Variants in USP42 observed in about 807,000 individuals in gnomAD.
USP42 encodes the protein ubiquitin carboxyl-terminal hydrolase 42.
USP42 carries 23 observed loss-of-function variants against 113.0 expected under a neutral mutation model. The observed-to-expected ratio is 0.20, with a 90% CI of 0.15 to 0.29. USP42 has a LOEUF of 0.29. Ranked by LOEUF, USP42 falls within the 10% of genes least tolerant of loss-of-function variation. USP42 has a pLI of 1.00. For synonymous variants in USP42, 933 were observed against 699.0 expected, an observed-to-expected ratio of 1.33 and a Z score of -5.28; for missense variants, 2,174 against 1,779.8, an observed-to-expected ratio of 1.22 and a Z score of -3.99.
rs2128531567 is a variant in USP42, at chr7:6,160,581, C to T, written c.*63C>T. ...TTCAACGCGTTCAACAGAAGCCATC[C>T]CCAGCCCAGCTTAAATTATAAAGAT... On this transcript the variant is annotated 3_prime_UTR_variant, in exon 18 of 18. Transcript: ENST00000306177. 6.5e-6 allele frequency: 1 copy of T among 152,796 alleles called. No individual in the cohort carries two copies. Among genetic ancestry groups the T allele is most frequent in the East Asian group, 1.9e-4 (1 of 5,184 alleles). The allele number at this position is 152,796 out of a possible 1,614,324, so 9.5% of individuals were successfully genotyped here.
intron 3 of USP42, among the ~76,000 whole-genome samples, 167 bp from the exon 4 acceptor site, chr7:6,135,674 A>AAAAAT (rs1781098509): frequency 6.8e-6 from 1 of 147,198 alleles, no homozygotes; most frequent in South Asian, 2.1e-4. Flanking sequence ...AAAAAAAAAA[A>AAAAAT]AAAGAACAAA....
intron 3 of USP42, among the ~76,000 whole-genome samples, chr7:6,131,341 G>A (rs1432563715): frequency 1.3e-5 from 2 of 152,044 alleles, no homozygotes; most frequent in African/African-American, 2.4e-5. Flanking sequence ...CGGGTATGGT[G>A]GTGCATGCCT....
chr7:6,132,765 G>A (rs768651723), intron 3 of USP42, among the ~76,000 whole-genome samples: 27 of 151,260 alleles, frequency 1.8e-4, no homozygotes, highest in Admixed American at 1.6e-3. Flanking sequence ...TCCGCCTCCC[G>A]GGTTCACGCC....
In USP42 at chr7:6,153,948, C is replaced by G. The variant is rs554217282; in HGVS notation, c.2394C>G (p.Pro798=). 317 of 1,597,506 alleles carry G rather than the reference C, an allele frequency of 2.0e-4. 2 individuals are homozygous for G. The South Asian group carries it at 2.5e-3, about 13-fold the overall frequency. ...CCTGGGAGGCCATGGCCGTCGCCCC[C>G]GAGGAGCCTCCGCCCAGCGCCGGCG... is the stretch of plus-strand genomic sequence containing the variant. ...EGAWEAMAVA[P]EEPPPSAGED... Residue 798 remains proline (P), a synonymous_variant, in exon 15 of 18, where the codon CCC becomes CCG. Transcript: ENST00000306177.
At chr7:6,082,628 T>TTTC in the USP42 span, among the ~76,000 whole-genome samples, 1 of 139,870 alleles carries the variant, frequency 7.1e-6, no homozygotes, top group Non-Finnish European at 1.5e-5. Context: ...TTTTTTTTTT[T>TTTC]GAGACACTGT....
Position 6,158,692 on chromosome 7 carries a change from A to G in USP42, c.3944-758A>G, listed in dbSNP as rs941932983. Among the ~76,000 whole-genome samples the G allele has an allele frequency of 6.6e-6, 1 of 152,148 alleles. No individual in the cohort carries two copies. The highest frequency in any genetic ancestry group is 6.5e-5 in the Admixed American group (1 of 15,278). ...TGCGGGCCTTGTAGACGTTCTGGAC[A>G]TTTCAGAATTGGTTTTGCGTTCCCA... On this transcript the variant is annotated intron_variant, in intron 16 of 17. Transcript: ENST00000306177. The surrounding 1 kb of genome is among the most constrained non-coding windows in gnomAD (Gnocchi z 4.2).
At position 6,154,794 on chromosome 7, in the gene USP42, C is replaced by T. The variant is rs1782331219; in HGVS notation, c.3240C>T (p.Gly1080=). ...GGGACTGGAAGCCCTTCCACGGCGG[C>T]CGCGAGCACGAGCGGGCCGGGCTGC... ...AARDWKPFHG[G]REHERAGLHE... is the part of the protein sequence containing the mutation. Residue 1080 remains glycine, a synonymous_variant, in exon 15 of 18, where the codon GGC becomes GGT. Coordinates refer to ENST00000306177, the MANE Select transcript of USP42 (RefSeq NM_032172.3). 2 of 1,547,822 alleles carry T rather than the reference C, an allele frequency of 1.3e-6. No individual in the cohort carries two copies. The highest frequency in any genetic ancestry group is 1.7e-6 in the Non-Finnish European group (2 of 1,145,848).
rs575240808 is a variant in USP42, at chr7:6,104,973, C to T, written c.-69C>T. ...CATTGTCCCCCGCCGGGCGGCTGGG[C>T]TGTGTGCGGCGGCGGCGGCGGCGGC... is the stretch of plus-strand genomic sequence containing the variant. On this transcript the variant is annotated 5_prime_UTR_variant, in exon 1 of 18. Transcript: ENST00000306177. The T allele has an allele frequency of 2.2e-4, 34 of 152,990 alleles. 2 individuals are homozygous for T. In the East Asian group the frequency reaches 5.9e-3, roughly 27 times the overall value. The allele number at this position is 152,990 out of a possible 1,614,324, so 9.5% of individuals were successfully genotyped here. A position where few individuals can be genotyped will look rare whatever the true frequency, so the allele number is the denominator to read the frequency against.
chr7:6,095,821 G>A, the USP42 span, among the ~76,000 whole-genome samples: 5 of 150,950 alleles, frequency 3.3e-5, no homozygotes, highest in African/African-American at 1.2e-4. Context: ...GGGCTGCAGT[G>A]GTGTGGTCAC....
the USP42 span, among the ~76,000 whole-genome samples, chr7:6,097,224 C>T: frequency 6.6e-6 from 1 of 151,056 alleles, no homozygotes; most frequent in Non-Finnish European, 1.5e-5. Context: ...GCTGTCTCTG[C>T]CCTCCGTGGT....
At chr7:6,106,945 A>C (rs1391716096) in intron 1 of USP42, among the ~76,000 whole-genome samples, 2 of 152,248 alleles carry the variant, frequency 1.3e-5, no homozygotes, top group African/African-American at 4.8e-5. Flanking sequence ...TATTTGTAAC[A>C]GTAATATTTA....
the USP42 span, among the ~76,000 whole-genome samples, chr7:6,091,465 C>T: frequency 3.3e-5 from 5 of 150,694 alleles, no homozygotes; most frequent in East Asian, 7.7e-4. Flanking sequence ...TAGACTCAGG[C>T]GATTCTCCTA....
chr7:6,097,869 C>T, the USP42 span, among the ~76,000 whole-genome samples: 10 of 147,954 alleles, frequency 6.8e-5, no homozygotes, highest in African/African-American at 2.6e-4. Context: ...GGACTACAGG[C>T]GTGAGCCACC....
rs1180605354 is a variant in USP42, at chr7:6,158,744, G to A, written c.3944-706G>A. On this transcript the variant is annotated intron_variant, in intron 16 of 17. Transcript: ENST00000306177. The surrounding 1 kb of genome is among the most constrained non-coding windows in gnomAD (Gnocchi z 4.2). ...TTCAGCGAATCGGGGAAGGAGATTC[G>A]TGAGGGCTGCTTGGTACCCGAGGAT... Among the ~76,000 whole-genome samples the A allele has an allele frequency of 1.3e-5, 2 of 152,192 alleles. No homozygotes were observed. The highest frequency in any genetic ancestry group is 3.8e-4 in the East Asian group (2 of 5,196).
rs2128504161 is a variant in USP42, at chr7:6,139,756, A to G, written c.657-372A>G. ...TGTCTAGGACTTCATTGTCCGGGTG[A>G]TGACATACTTGGGTCGGAGGAAGAC... On this transcript the variant is annotated intron_variant, in intron 5 of 17. Coordinates refer to ENST00000306177, the MANE Select transcript of USP42 (RefSeq NM_032172.3). The surrounding 1 kb of genome is among the most constrained non-coding windows in gnomAD (Gnocchi z 4.5). 1 of 333,166 alleles carries G rather than the reference A, an allele frequency of 3.0e-6. No individual in the cohort carries two copies. The highest frequency in any genetic ancestry group is 2.9e-5 in the South Asian group (1 of 34,550). 20.6% of individuals were successfully genotyped at this position (333,166 alleles called of 1,614,324 possible). A position where few individuals can be genotyped will look rare whatever the true frequency, so the allele number is the denominator to read the frequency against.
intron 7 of USP42, among the ~76,000 whole-genome samples, chr7:6,142,681 G>C (rs1328746419): frequency 6.6e-6 from 1 of 152,082 alleles, no homozygotes; most frequent in Non-Finnish European, 1.5e-5. Flanking sequence ...CCAGGAGTTT[G>C]AGACCAGCCT....
chr7:6,109,475 C>T (rs1037780261), intron 1 of USP42, among the ~76,000 whole-genome samples: 2 of 152,126 alleles, frequency 1.3e-5, no homozygotes, highest in Admixed American at 6.6e-5. Context: ...TCACTGCAAT[C>T]TCTGCCTTCC....
intron 3 of USP42, among the ~76,000 whole-genome samples, chr7:6,121,484 G>A (rs1050850435): frequency 6.6e-6 from 1 of 151,444 alleles, no homozygotes; most frequent in Non-Finnish European, 1.5e-5. Flanking sequence ...TCTTGTTTTG[G>A]CATTAGGGTA....
intron 3 of USP42, among the ~76,000 whole-genome samples, chr7:6,122,985 G>T (rs1266135153): frequency 6.6e-6 from 1 of 151,806 alleles, no homozygotes; most frequent in Admixed American, 6.6e-5. Context: ...CACCACACCT[G>T]ACTGATTTTT....
Sources: allele counts gnomAD v4.1 joint callset (sites outside exome capture counted in the v4.1 genomes callset), GRCh38; gene constraint gnomAD v4.1.1; non-coding constraint Gnocchi (gnomAD v3.1); transcripts MANE v1.5; gene names NCBI Gene and HGNC (gene_info 2026-07-23, HGNC 2026-07-21).